The following HCRTR2 variants were observed in gnomAD, a reference collection of about 807,000 sequenced individuals.
HCRTR2 encodes hypocretin receptor 2, also known as orexin receptor type 2.
HCRTR2 carries 22 observed loss-of-function variants against 49.0 expected under a neutral mutation model. That is an observed-to-expected ratio of 0.45 (90% confidence interval 0.32 to 0.64). The LOEUF is 0.64. HCRTR2 is among the 30% of genes least tolerant of loss of function. The pLI is 0.04. For missense variants in HCRTR2, 491 were observed against 559.4 expected, an observed-to-expected ratio of 0.88 and a Z score of 1.23; for synonymous variants, 236 against 205.3, an observed-to-expected ratio of 1.15 and a Z score of -1.28.
At chr6:55,223,864 T>A (rs760215325) in intron 1 of HCRTR2, among the ~76,000 whole-genome samples, 14 of 152,072 alleles carry the variant, frequency 9.2e-5, no homozygotes, top group Non-Finnish European at 1.5e-4. Flanking sequence ...ATGGAGGAAA[T>A]TATTTATATG....
Position 55,248,744 on chromosome 6 carries a change from C to T in HCRTR2, c.329C>T (p.Ala110Val), listed in dbSNP as rs1158319432. The T allele has an allele frequency of 6.2e-7, 1 of 1,613,384 alleles. No individual in the cohort carries two copies. Among genetic ancestry groups the T allele is most frequent in the South Asian group, 1.1e-5 (1 of 91,078 alleles). The stretch of plus-strand genomic sequence containing the variant: ...CTCGTGACCATCACCTGCCTTCCAG[C>T]CACACTGGTCGTGGATATCACTGAG... ...DVLVTITCLP[A>V]TLVVDITETW... Residue 110 changes from alanine to valine, a missense_variant, in exon 2 of 7, where the codon GCC becomes GTC. Coordinates refer to ENST00000370862, the MANE Select transcript of HCRTR2 (RefSeq NM_001384272.1).
intron 1 of HCRTR2, among the ~76,000 whole-genome samples, chr6:55,160,002 T>A (rs9475183): frequency 0.16 from 24,855 of 151,896 alleles, 2,346 homozygotes; most frequent in Non-Finnish European, 0.22. Flanking sequence ...ACAAAGATAC[T>A]CCTCGAGAAA....
chr6:55,224,340 G>C (rs1765955142), intron 1 of HCRTR2, among the ~76,000 whole-genome samples: 1 of 152,118 alleles, frequency 6.6e-6, no homozygotes, highest in Non-Finnish European at 1.5e-5. Context: ...AACATGGGCT[G>C]GGTGCGGTGG....
At chr6:55,174,852 C>A (rs202040171) in intron 1 of HCRTR2, 42 bp downstream of exon 1, 2 of 1,518,362 alleles carry the variant, frequency 1.3e-6, no homozygotes, top group African/African-American at 2.7e-5. Flanking sequence ...GCTATCACCC[C>A]CTCTCCGCCC....
At chr6:55,256,682 A>T (rs1766658924) in intron 3 of HCRTR2, among the ~76,000 whole-genome samples, 1 of 147,760 alleles carries the variant, frequency 6.8e-6, no homozygotes, top group Admixed American at 6.7e-5. Context: ...AATTTTCCAA[A>T]TTAATAGTGC....
intron 1 of HCRTR2, among the ~76,000 whole-genome samples, chr6:55,127,008 A>G (rs1021974284): frequency 2.6e-5 from 4 of 151,996 alleles, no homozygotes; most frequent in East Asian, 1.9e-4. Context: ...GCTGGGCCCT[A>G]TGGGAGTGGG....
At chr6:55,284,011 C>T (rs1196351456), downstream of HCRTR2, among the ~76,000 whole-genome samples, 1 of 152,098 alleles carries the variant, frequency 6.6e-6, no homozygotes, top group Non-Finnish European at 1.5e-5. Flanking sequence ...TCCTTTCTCC[C>T]CTTTGTATAT....
At chr6:55,208,384 C>A (rs183148518) in intron 1 of HCRTR2, among the ~76,000 whole-genome samples, 3 of 150,406 alleles carry the variant, frequency 2.0e-5, no homozygotes, top group Non-Finnish European at 3.0e-5. Flanking sequence ...GCCAGCTACT[C>A]GGGAGGCTGA....
intron 1 of HCRTR2, among the ~76,000 whole-genome samples, chr6:55,138,781 C>T (rs12194100): frequency 0.057 from 8,605 of 152,268 alleles, 368 homozygotes; most frequent in African/African-American, 0.11. Flanking sequence ...CTAACATGAG[C>T]AAAAACTCAA....
intron 4 of HCRTR2, among the ~76,000 whole-genome samples, chr6:55,267,262 G>A (rs1308469115): frequency 6.6e-6 from 1 of 152,100 alleles, no homozygotes; most frequent in East Asian, 1.9e-4. Context: ...CATGAAATCT[G>A]TTATGTACTT....
chr6:55,162,840 A>G (rs1641666336), intron 1 of HCRTR2, among the ~76,000 whole-genome samples: 1 of 152,322 alleles, frequency 6.6e-6, no homozygotes, highest in African/African-American at 2.4e-5. Context: ...ATGCAAAAAC[A>G]TTCCATCCTC....
chr6:55,236,252 T>C (rs1766211095), intron 1 of HCRTR2, among the ~76,000 whole-genome samples: 3 of 152,064 alleles, frequency 2.0e-5, no homozygotes, highest in Non-Finnish European at 4.4e-5. Flanking sequence ...ATTATTCTAT[T>C]GTCAATAGTA....
intron 3 of HCRTR2, among the ~76,000 whole-genome samples, chr6:55,262,765 AATATATAT>A (rs3065669): frequency 2.9e-5 from 4 of 138,854 alleles, no homozygotes; most frequent in Admixed American, 7.7e-5. Context: ...TTAGGTAGGG[AATATATAT>A]ATATATATAT....
chr6:55,123,167 A>G (rs1052317811), intron 1 of HCRTR2, among the ~76,000 whole-genome samples: 2 of 151,722 alleles, frequency 1.3e-5, no homozygotes, highest in Non-Finnish European at 2.9e-5. Flanking sequence ...TAAAAGTTAA[A>G]AAAAGGAGTG....
chr6:55,167,914 G>A (rs1264497125), intron 1 of HCRTR2, among the ~76,000 whole-genome samples: 1 of 152,148 alleles, frequency 6.6e-6, no homozygotes, highest in African/African-American at 2.4e-5. Flanking sequence ...CCTACATAGA[G>A]ACTGCTAATC....
intron 1 of HCRTR2, among the ~76,000 whole-genome samples, chr6:55,132,426 C>T (rs1231611858): frequency 6.6e-6 from 1 of 151,874 alleles, no homozygotes; most frequent in African/African-American, 2.4e-5. Context: ...TATTGATTAT[C>T]TATATGTGCC....
At chr6:55,185,010 T>C (rs2127275039) in intron 1 of HCRTR2, among the ~76,000 whole-genome samples, 1 of 152,338 alleles carries the variant, frequency 6.6e-6, no homozygotes, top group East Asian at 1.9e-4. Context: ...TTTCATAAAA[T>C]GTGAAGATTG....
intron 1 of HCRTR2, among the ~76,000 whole-genome samples, chr6:55,209,775 T>A (rs1475097151): frequency 6.6e-6 from 1 of 152,226 alleles, no homozygotes; most frequent in Non-Finnish European, 1.5e-5. Context: ...TTAGATTTTT[T>A]TTTCATTAAC....
At chr6:55,207,405 C>T (rs560262632) in intron 1 of HCRTR2, among the ~76,000 whole-genome samples, 5 of 152,064 alleles carry the variant, frequency 3.3e-5, no homozygotes, top group Non-Finnish European at 7.4e-5. Context: ...TTTTCATGAA[C>T]TTAATAATTA....
Sources: allele counts gnomAD v4.1 joint callset (sites outside exome capture counted in the v4.1 genomes callset), GRCh38; gene constraint gnomAD v4.1.1; transcripts MANE v1.5; gene names NCBI Gene and HGNC (gene_info 2026-07-23, HGNC 2026-07-21).